Variants in WWTR1 observed in about 807,000 individuals in gnomAD.
The protein encoded by WWTR1 is WW domain-containing transcription regulator protein 1.
WWTR1 carries 13 observed loss-of-function variants against 40.1 expected under a neutral mutation model. The observed-to-expected ratio is 0.32, with a 90% CI of 0.21 to 0.52. The LOEUF is 0.52. Among genes scored for constraint, WWTR1 ranks in the 20% least tolerant of loss-of-function variants. WWTR1 has a pLI of 0.97. For missense variants in WWTR1, 436 were observed against 523.1 expected, an observed-to-expected ratio of 0.83 and a Z score of 1.63; for synonymous variants, 230 against 210.1, an observed-to-expected ratio of 1.09 and a Z score of -0.82.
At chr3:149,572,262 GCTAT>G (rs1394194022) in intron 3 of WWTR1, among the ~76,000 whole-genome samples, 1 of 151,980 alleles carries the variant, frequency 6.6e-6, no homozygotes, top group Non-Finnish European at 1.5e-5. Flanking sequence ...CACTTGGCAT[GCTAT>G]CTGACACATG....
intron 1 of WWTR1, among the ~76,000 whole-genome samples, chr3:149,680,545 A>G (rs936329374): frequency 4.7e-5 from 7 of 148,352 alleles, no homozygotes; most frequent in Admixed American, 3.4e-4. Context: ...CCCTGTCTCA[A>G]AAAAAACCAA....
chr3:149,590,725 T>A (rs1180591208), intron 2 of WWTR1, among the ~76,000 whole-genome samples: 1 of 151,970 alleles, frequency 6.6e-6, no homozygotes, highest in Non-Finnish European at 1.5e-5. Context: ...CAGAGCAGAG[T>A]CAAATCTTGT....
intron 2 of WWTR1, among the ~76,000 whole-genome samples, chr3:149,654,291 G>A (rs78841407): frequency 0.011 from 1,688 of 152,284 alleles, 27 homozygotes; most frequent in African/African-American, 0.039. Context: ...GTAACAAAGT[G>A]TATGACATTT....
chr3:149,686,584 C>T (rs1714664005), intron 1 of WWTR1, among the ~76,000 whole-genome samples: 1 of 152,114 alleles, frequency 6.6e-6, no homozygotes, highest in South Asian at 2.1e-4. Flanking sequence ...CCAAAGACCT[C>T]CTAGGCAACT....
At chr3:149,545,349 C>G (rs112499048) in intron 3 of WWTR1, among the ~76,000 whole-genome samples, 4,695 of 152,206 alleles carry the variant, frequency 0.031, 96 homozygotes, top group Middle Eastern at 0.058. Context: ...TTTCAAGGAA[C>G]AGGCATTTCT....
chr3:149,572,632 C>T (rs1737691720), intron 3 of WWTR1, among the ~76,000 whole-genome samples: 1 of 151,898 alleles, frequency 6.6e-6, no homozygotes, highest in South Asian at 2.1e-4. Context: ...CAGCCAGAAC[C>T]ACTTATGAGC....
At chr3:149,581,652 A>G (rs1166221649) in intron 2 of WWTR1, among the ~76,000 whole-genome samples, 1 of 152,204 alleles carries the variant, frequency 6.6e-6, no homozygotes, top group African/African-American at 2.4e-5. Flanking sequence ...AAATTTCAGC[A>G]TTCTCTGGAA....
chr3:149,637,083 T>C (rs1279186416), intron 2 of WWTR1, among the ~76,000 whole-genome samples: 2 of 151,736 alleles, frequency 1.3e-5, no homozygotes, highest in Non-Finnish European at 2.9e-5. Flanking sequence ...GTACTCTCTA[T>C]CACAGCAAAT....
chr3:149,553,057 C>A (rs1184113305), intron 3 of WWTR1, among the ~76,000 whole-genome samples: 3 of 152,202 alleles, frequency 2.0e-5, no homozygotes, highest in Admixed American at 6.5e-5. Context: ...TCACATCCCC[C>A]TGAGATTCTA....
chr3:149,588,750 T>C (rs1319321121), intron 2 of WWTR1, among the ~76,000 whole-genome samples: 1 of 152,138 alleles, frequency 6.6e-6, no homozygotes, highest in East Asian at 1.9e-4. Context: ...AATGAACCCA[T>C]TTCCTGCTTA....
At chr3:149,665,517 G>A (rs1041507205) in intron 2 of WWTR1, among the ~76,000 whole-genome samples, 1 of 152,120 alleles carries the variant, frequency 6.6e-6, no homozygotes, top group South Asian at 2.1e-4. Flanking sequence ...GAGTTACTGC[G>A]CCCGGCTCAG....
rs551889190 is a variant in WWTR1, at chr3:149,576,338, C to T, written c.432-3338G>A. On this transcript the variant is annotated intron_variant, in intron 2 of 6. Coordinates refer to ENST00000360632, the MANE Select transcript of WWTR1 (RefSeq NM_015472.6). ...AGGCTCCAGCTCCCCCTACTTCCCACCACTTCCCAAACCCAGGATACGCCA... is the reference window on the plus strand; with the variant it reads ...AGGCTCCAGCTCCCCCTACTTCCCATCACTTCCCAAACCCAGGATACGCCA... The T allele has an allele frequency of 5.0e-5, 16 of 318,058 alleles. No homozygotes were observed. In the East Asian group the frequency reaches 1.1e-3, roughly 21 times the overall value. The allele number at this position is 318,058 out of a possible 1,614,324, so 19.7% of individuals were successfully genotyped here.
chr3:149,667,965 C>T (rs725623), intron 2 of WWTR1, among the ~76,000 whole-genome samples: 1,997 of 152,274 alleles, frequency 0.013, 44 homozygotes, highest in Admixed American at 0.067. Flanking sequence ...CTACCTGTCA[C>T]CTTCCTAAAA....
At chr3:149,543,536 C>G (rs1261441135) in intron 3 of WWTR1, among the ~76,000 whole-genome samples, 3 of 129,102 alleles carry the variant, frequency 2.3e-5, no homozygotes, top group Non-Finnish European at 3.1e-5. Flanking sequence ...GAGCCGAGAT[C>G]GCGCCACTAC....
chr3:149,689,817 AC>A (rs2108212085), intron 1 of WWTR1, among the ~76,000 whole-genome samples: 1 of 152,308 alleles, frequency 6.6e-6, no homozygotes, highest in African/African-American at 2.4e-5. Flanking sequence ...AATACAGAAT[AC>A]TATAACACTA....
rs1393529343 is a variant in WWTR1 at position 149,657,244 on chromosome 3, C to G, written c.63G>C (p.Thr21=). The part of the protein sequence containing the change: ...PPPGQQVIHV[T]QDLDTDLEAL... ...CTTCGAGGTCTGTGTCTAGGTCCTG[C>G]GTGACGTGGATCACTTGCTGCCCAG... The change falls in exon 2 of 7, where the codon ACG becomes ACC. Residue 21 remains threonine, a synonymous_variant. Transcript: ENST00000360632. The G allele has an allele frequency of 6.2e-7, 1 of 1,613,198 alleles. No homozygotes were observed. The highest frequency in any genetic ancestry group is 8.5e-7 in the Non-Finnish European group (1 of 1,179,700).
intron 3 of WWTR1, among the ~76,000 whole-genome samples, chr3:149,565,368 T>C (rs1275819100): frequency 6.6e-6 from 1 of 151,880 alleles, no homozygotes; most frequent in Non-Finnish European, 1.5e-5. Context: ...TTATTTCTTA[T>C]CAAAGAAGAA....
intron 4 of WWTR1, among the ~76,000 whole-genome samples, chr3:149,719,332 A>G (rs1403405801): frequency 6.6e-6 from 1 of 151,462 alleles, no homozygotes; most frequent in Non-Finnish European, 1.5e-5. Flanking sequence ...CACCAAGCCC[A>G]GCTAATTTTT....
At chr3:149,709,510 C>T (rs993855031) in intron 5 of WWTR1, among the ~76,000 whole-genome samples, 2 of 152,126 alleles carry the variant, frequency 1.3e-5, no homozygotes, top group African/African-American at 4.8e-5. Context: ...GAGAACCATC[C>T]ATGCTAGGTT....
Sources: allele counts gnomAD v4.1 joint callset (sites outside exome capture counted in the v4.1 genomes callset), GRCh38; gene constraint gnomAD v4.1.1; transcripts MANE v1.5; gene names NCBI Gene and HGNC (gene_info 2026-07-23, HGNC 2026-07-21).